The following KCNH1 variants were observed in gnomAD, a reference collection of about 807,000 sequenced individuals.
The protein encoded by KCNH1 is potassium voltage-gated channel subfamily H member 1.
Under a neutral mutation model 69.2 loss-of-function variants are expected in KCNH1, and 27 were observed. That is an observed-to-expected ratio of 0.39 (90% confidence interval 0.29 to 0.54). The LOEUF (loss-of-function observed/expected upper bound fraction) is 0.54. Among genes scored for constraint, KCNH1 ranks in the 20% least tolerant of loss-of-function variants. KCNH1 has a pLI of 0.68. For synonymous variants in KCNH1, 456 were observed against 487.7 expected (o/e 0.93, Z 0.86); for missense variants, 798 against 1,261.6 (o/e 0.63, Z 5.57).
chr1:210,930,082 A>G (rs1239118072), intron 6 of KCNH1, among the ~76,000 whole-genome samples: 1 of 152,226 alleles, frequency 6.6e-6, no homozygotes, highest in East Asian at 1.9e-4. Context: ...GGTAGAACCA[A>G]TATCATGAAA....
At chr1:210,999,371 G>A (rs1480686732) in intron 6 of KCNH1, among the ~76,000 whole-genome samples, 5 of 152,130 alleles carry the variant, frequency 3.3e-5, no homozygotes, top group Admixed American at 2.0e-4. Flanking sequence ...TACCATCAGA[G>A]AATACTATAA....
chr1:211,030,637 A>G (rs1355498143), intron 5 of KCNH1, among the ~76,000 whole-genome samples: 3 of 152,112 alleles, frequency 2.0e-5, no homozygotes, highest in Non-Finnish European at 4.4e-5. Context: ...AATATAAAAC[A>G]TAAAACTAAA....
intron 6 of KCNH1, among the ~76,000 whole-genome samples, chr1:210,921,651 G>A (rs992782591): frequency 2.6e-5 from 4 of 152,154 alleles, no homozygotes; most frequent in African/African-American, 9.7e-5. Flanking sequence ...CGGAATGTGA[G>A]GTGAAATATG....
intron 5 of KCNH1, among the ~76,000 whole-genome samples, chr1:211,070,480 T>C (rs1690622024): frequency 6.9e-6 from 1 of 145,300 alleles, no homozygotes; most frequent in Non-Finnish European, 1.5e-5. Flanking sequence ...TCCAGTCATA[T>C]CATATTCAAA....
chr1:210,689,162 G>A (rs73067432), intron 10 of KCNH1, among the ~76,000 whole-genome samples: 3,650 of 152,312 alleles, frequency 0.024, 85 homozygotes, highest in African/African-American at 0.059. Context: ...TGGTTGTTGA[G>A]CTGAATGGAA....
At chr1:211,031,792 A>G (rs1174545755) in intron 5 of KCNH1, among the ~76,000 whole-genome samples, 1 of 152,196 alleles carries the variant, frequency 6.6e-6, no homozygotes, top group East Asian at 1.9e-4. Flanking sequence ...TGACAAACCC[A>G]TAGCCAATAT....
chr1:211,095,001 G>C (rs942352321), intron 3 of KCNH1, among the ~76,000 whole-genome samples: 4 of 152,116 alleles, frequency 2.6e-5, no homozygotes, highest in Non-Finnish European at 5.9e-5. Flanking sequence ...TCTACCCTCC[G>C]AGGATATTCA....
intron 7 of KCNH1, among the ~76,000 whole-genome samples, chr1:210,818,453 G>A (rs773623231): frequency 3.3e-5 from 5 of 152,074 alleles, no homozygotes; most frequent in African/African-American, 7.2e-5. Flanking sequence ...TTGCAGTCAC[G>A]CTGACTATCC....
chr1:211,055,839 A>G (rs192294425), intron 5 of KCNH1, among the ~76,000 whole-genome samples: 1 of 152,302 alleles, frequency 6.6e-6, no homozygotes, highest in Admixed American at 6.5e-5. Flanking sequence ...GCCTTGAACA[A>G]AAAGACCCAG....
intron 6 of KCNH1, among the ~76,000 whole-genome samples, chr1:210,932,895 C>T (rs534657875): frequency 6.6e-6 from 1 of 152,182 alleles, no homozygotes; most frequent in East Asian, 1.9e-4. Flanking sequence ...AAGATAGACC[C>T]CAATAAAATA....
At chr1:210,902,523 C>T (rs1687017426) in intron 7 of KCNH1, among the ~76,000 whole-genome samples, 1 of 152,198 alleles carries the variant, frequency 6.6e-6, no homozygotes, top group African/African-American at 2.4e-5. Context: ...GAGATGTGCC[C>T]ATTCATCATT....
rs1306826232 is a variant in KCNH1 at position 210,860,343 on chromosome 1, CTGT to C, written c.1463-56180_1463-56178del. 7 of 1,455,172 alleles carry C rather than the reference CTGT, an allele frequency of 4.8e-6. No individual in the cohort carries two copies. The Admixed American group carries it at 8.4e-5, about 17-fold the overall frequency. The allele number at this position is 1,455,172 out of a possible 1,614,324, so 90.1% of individuals were successfully genotyped here. A position where few individuals can be genotyped will look rare whatever the true frequency, so the allele number is the denominator to read the frequency against. On this transcript the variant is annotated intron_variant, in intron 7 of 10. Coordinates refer to ENST00000271751, the MANE Select transcript of KCNH1 (RefSeq NM_172362.3). ...TGTCCTCATAGAATTCTGAGACATG[CTGT>C]TGTAAAACAGTACCAATGACCTGTA...
intron 10 of KCNH1, among the ~76,000 whole-genome samples, chr1:210,744,986 C>G (rs569803013): frequency 8.3e-6 from 1 of 120,670 alleles, no homozygotes; most frequent in Non-Finnish European, 1.8e-5. Flanking sequence ...GTGGATCACC[C>G]GAGGTCAGGA....
intron 6 of KCNH1, among the ~76,000 whole-genome samples, chr1:211,005,079 T>C (rs1304543277): frequency 6.6e-6 from 1 of 151,684 alleles, no homozygotes. Flanking sequence ...ATATGAGGAA[T>C]GAAAAAAAGA....
chr1:211,130,935 G>A (rs1232425867), intron 1 of KCNH1, among the ~76,000 whole-genome samples: 1 of 152,180 alleles, frequency 6.6e-6, no homozygotes, highest in Non-Finnish European at 1.5e-5. Flanking sequence ...TAGTGTGGCT[G>A]TTAGCCAAGA....
chr1:211,113,974 TCACACACACACACA>T (rs371049407), intron 1 of KCNH1, among the ~76,000 whole-genome samples: 8 of 142,478 alleles, frequency 5.6e-5, no homozygotes, highest in African/African-American at 1.8e-4. Flanking sequence ...TCTCTCTCTC[TCACACACACACACA>T]CACACACACA....
At chr1:210,700,757 C>T (rs6686046) in intron 10 of KCNH1, among the ~76,000 whole-genome samples, 17,283 of 152,066 alleles carry the variant, frequency 0.11, 2,668 homozygotes, top group African/African-American at 0.34. Context: ...TCCAATGGAA[C>T]TTAAAAGTAG....
At chr1:210,971,770 T>A (rs2102367606) in intron 6 of KCNH1, among the ~76,000 whole-genome samples, 1 of 152,288 alleles carries the variant, frequency 6.6e-6, no homozygotes, top group African/African-American at 2.4e-5. Flanking sequence ...TTATATTATC[T>A]GAACTTATTT....
chr1:210,688,463 G>A (rs774054975), intron 10 of KCNH1, among the ~76,000 whole-genome samples: 4 of 152,204 alleles, frequency 2.6e-5, no homozygotes, highest in Non-Finnish European at 5.9e-5. Context: ...AAGAAGTGAT[G>A]CATATTGCCC....
Sources: allele counts gnomAD v4.1 joint callset (sites outside exome capture counted in the v4.1 genomes callset), GRCh38; gene constraint gnomAD v4.1.1; transcripts MANE v1.5; gene names NCBI Gene and HGNC (gene_info 2026-07-23, HGNC 2026-07-21).